Variants in XKR6 observed in about 807,000 individuals in gnomAD.
XKR6 encodes the protein XK-related protein 6.
In XKR6, 22 loss-of-function variants were observed where a neutral mutation model predicts 56.7. That is an observed-to-expected ratio of 0.39 (90% CI 0.28 to 0.55). The LOEUF is 0.55. XKR6 is among the 20% of genes least tolerant of loss of function. The pLI is 0.66. For synonymous variants in XKR6, 524 were observed against 387.8 expected (o/e 1.35, Z -4.13); for missense variants, 852 against 889.0 (o/e 0.96, Z 0.53).
chr8:11,023,648 G>A (rs993024009), intron 1 of XKR6, among the ~76,000 whole-genome samples: 3 of 152,194 alleles, frequency 2.0e-5, no homozygotes, highest in Non-Finnish European at 4.4e-5. Context: ...ATAAAGGTCT[G>A]GCCTGTTCCC....
At chr8:11,081,874 A>G (rs530091969) in intron 1 of XKR6, among the ~76,000 whole-genome samples, 57 of 152,332 alleles carry the variant, frequency 3.7e-4, no homozygotes, top group African/African-American at 1.4e-3. Context: ...TGTCAAAGAC[A>G]ACAAAGGAAA....
intron 1 of XKR6, among the ~76,000 whole-genome samples, chr8:11,040,462 G>C (rs144232139): frequency 6.6e-6 from 1 of 152,092 alleles, no homozygotes. Flanking sequence ...AGCCCAGGGG[G>C]TCGAGGCTGC....
chr8:10,946,481 T>C (rs1050327167), intron 1 of XKR6, among the ~76,000 whole-genome samples: 3 of 152,002 alleles, frequency 2.0e-5, no homozygotes, highest in African/African-American at 7.2e-5. Context: ...GGCTTATCAT[T>C]AATGAATTTA....
chr8:11,132,386 T>A (rs1800148025), intron 1 of XKR6, among the ~76,000 whole-genome samples: 1 of 151,954 alleles, frequency 6.6e-6, no homozygotes, highest in South Asian at 2.1e-4. Context: ...CCAGACGGAA[T>A]CTTGCTCTGT....
intron 1 of XKR6, among the ~76,000 whole-genome samples, chr8:11,189,783 T>C (rs1248121302): frequency 1.3e-5 from 2 of 152,194 alleles, no homozygotes; most frequent in East Asian, 1.9e-4. Flanking sequence ...CCATCCCAGA[T>C]CTCTTGGATT....
At chr8:11,132,182 T>G (rs892855654) in intron 1 of XKR6, among the ~76,000 whole-genome samples, 1 of 152,092 alleles carries the variant, frequency 6.6e-6, no homozygotes, top group African/African-American at 2.4e-5. Context: ...TTGAAAAGCC[T>G]GATCTCATAA....
At chr8:10,928,020 G>T (rs974963330) in intron 1 of XKR6, among the ~76,000 whole-genome samples, 2 of 152,160 alleles carry the variant, frequency 1.3e-5, no homozygotes, top group Non-Finnish European at 2.9e-5. Flanking sequence ...AACTGCTCCC[G>T]GCTCGGTCCC....
Position 11,174,662 on chromosome 8 carries a change from T to A in XKR6, c.764+25914A>T, listed in dbSNP as rs1802566995. On this transcript the variant is annotated intron_variant, in intron 1 of 2. Transcript: ENST00000416569. Reference sequence around the variant, plus strand: ...TGCGACTGTTACAAAGAGCACCAAGTGTCTTCCTCTGGTTACTTACCAACC... The same window carrying A: ...TGCGACTGTTACAAAGAGCACCAAGAGTCTTCCTCTGGTTACTTACCAACC... Among the ~76,000 whole-genome samples the A allele has an allele frequency of 3.3e-5, 5 of 152,220 alleles. No homozygotes were observed. In the South Asian group the frequency reaches 1.0e-3, roughly 32 times the overall value.
chr8:11,113,842 G>C (rs1433372432), intron 1 of XKR6: 2 of 176,214 alleles, frequency 1.1e-5, no homozygotes, highest in South Asian at 1.1e-4. Flanking sequence ...AGCTAATTTA[G>C]GTACGATATG....
intron 1 of XKR6, among the ~76,000 whole-genome samples, chr8:11,155,304 A>G (rs1448262037): frequency 6.6e-6 from 1 of 152,246 alleles, no homozygotes; most frequent in East Asian, 1.9e-4. Flanking sequence ...TTACGGGTCG[A>G]GTATTCCATA....
chr8:10,922,420 T>G (rs1800749083), intron 2 of XKR6, among the ~76,000 whole-genome samples: 1 of 152,220 alleles, frequency 6.6e-6, no homozygotes, highest in Non-Finnish European at 1.5e-5. Flanking sequence ...CAGCACATCC[T>G]GGCACCAGGA....
At chr8:11,011,350 C>T (rs929840496) in intron 1 of XKR6, among the ~76,000 whole-genome samples, 4 of 152,266 alleles carry the variant, frequency 2.6e-5, no homozygotes, top group African/African-American at 9.6e-5. Flanking sequence ...TGGCATCCTG[C>T]TCTGCAGTGA....
chr8:11,029,963 G>C (rs1162853192), intron 1 of XKR6, among the ~76,000 whole-genome samples: 5 of 152,040 alleles, frequency 3.3e-5, no homozygotes, highest in African/African-American at 1.2e-4. Context: ...CCTTCATCCA[G>C]TCATCATACA....
intron 1 of XKR6, among the ~76,000 whole-genome samples, chr8:11,011,572 C>G (rs759209553): frequency 2.0e-5 from 3 of 152,186 alleles, no homozygotes; most frequent in Non-Finnish European, 4.4e-5. Context: ...GGACAAAAAC[C>G]TCTGGCTATG....
intron 1 of XKR6, among the ~76,000 whole-genome samples, chr8:11,171,594 T>G (rs955520591): frequency 6.6e-6 from 1 of 152,202 alleles, no homozygotes; most frequent in East Asian, 1.9e-4. Flanking sequence ...TCTGGCTCTC[T>G]CCTGCTTTCC....
At chr8:11,172,846 T>A (rs1013924652) in intron 1 of XKR6, among the ~76,000 whole-genome samples, 1 of 152,112 alleles carries the variant, frequency 6.6e-6, no homozygotes, top group Non-Finnish European at 1.5e-5. Context: ...CTACAGAAGA[T>A]TCACGGGGAA....
At chr8:10,942,540 G>C (rs562389123) in intron 1 of XKR6, among the ~76,000 whole-genome samples, 4 of 152,318 alleles carry the variant, frequency 2.6e-5, no homozygotes. Context: ...CAGAGAGACC[G>C]GGCACACAGA....
chr8:11,181,995 G>A (rs1409004995), intron 1 of XKR6, among the ~76,000 whole-genome samples: 1 of 152,178 alleles, frequency 6.6e-6, no homozygotes, highest in Non-Finnish European at 1.5e-5. Flanking sequence ...ATGTTGCCCA[G>A]GCTGGTCTTG....
chr8:11,107,546 G>C (rs1031083258), intron 1 of XKR6, among the ~76,000 whole-genome samples: 1 of 152,118 alleles, frequency 6.6e-6, no homozygotes, highest in South Asian at 2.1e-4. Context: ...AACCAGCAGG[G>C]AGAAGTGGTG....
Sources: gnomAD v4.1 joint callset for allele counts (sites outside exome capture counted in the v4.1 genomes callset) on GRCh38, gnomAD v4.1.1 for gene constraint, MANE v1.5 for transcripts, NCBI Gene and HGNC (gene_info 2026-07-23, HGNC 2026-07-21) for gene names.